Variants in XPNPEP3 observed in about 807,000 individuals in gnomAD.
XPNPEP3 encodes the protein xaa-Pro aminopeptidase 3.
A neutral mutation model predicts 60.0 loss-of-function variants in XPNPEP3; 41 were observed. That is an observed-to-expected ratio of 0.68 (90% CI 0.53 to 0.89). The LOEUF is 0.89. Ranked by LOEUF, XPNPEP3 falls within the 40% of genes least tolerant of loss-of-function variation. The pLI is 0.00. For missense variants in XPNPEP3, 598 were observed against 638.9 expected (o/e 0.94, Z 0.69); for synonymous variants, 212 against 223.2 (o/e 0.95, Z 0.45).
chr22:40,920,050 C>T (rs890145216), intron 7 of XPNPEP3, among the ~76,000 whole-genome samples: 2 of 151,910 alleles, frequency 1.3e-5, no homozygotes, highest in Non-Finnish European at 2.9e-5. Flanking sequence ...GCATTTGCCT[C>T]GGAAAGTAGG....
intron 7 of XPNPEP3, among the ~76,000 whole-genome samples, chr22:40,916,732 A>G (rs1219557860): frequency 6.6e-6 from 1 of 152,234 alleles, no homozygotes; most frequent in Non-Finnish European, 1.5e-5. Flanking sequence ...TATCAAATAT[A>G]TTACAAATGA....
At position 40,926,665 on chromosome 22, in the gene XPNPEP3, T is replaced by A. The variant is rs2058235764; in HGVS notation, c.*230T>A. On this transcript the variant is annotated 3_prime_UTR_variant, in exon 10 of 10. Transcript: ENST00000357137. ...GTATGTTACTGCAGCTTTGGTAACA[T>A]TAATTCTATAGAATTAATGATCAGA... 1.8e-6 allele frequency: 1 copy of A among 568,620 alleles called. No homozygotes were observed. The highest frequency in any genetic ancestry group is 3.0e-5 in the Admixed American group (1 of 33,414). 35.2% of individuals were successfully genotyped at this position (568,620 alleles called of 1,614,324 possible). A position where few individuals can be genotyped will look rare whatever the true frequency, so the allele number is the denominator to read the frequency against.
At chr22:40,914,346 G>T (rs758962461) in intron 7 of XPNPEP3, 22 bp downstream of exon 7, 2 of 1,585,678 alleles carry the variant, frequency 1.3e-6, no homozygotes, top group Non-Finnish European at 1.7e-6. Context: ...ACAGAGTAAC[G>T]TATCCCACTG....
chr22:40,922,721 TACACACACACAC>T (rs761542482), intron 8 of XPNPEP3, among the ~76,000 whole-genome samples: 2 of 145,280 alleles, frequency 1.4e-5, no homozygotes, highest in Non-Finnish European at 3.0e-5. Flanking sequence ...TGTAGATATA[TACACACACACAC>T]ACACACACAC....
intron 2 of XPNPEP3, among the ~76,000 whole-genome samples, chr22:40,873,098 C>CTTTTTTTTTTTTTTTTTTTTTTTTTTTTT (rs138353): frequency 1.1e-5 from 1 of 88,504 alleles, no homozygotes; most frequent in African/African-American, 4.4e-5. Context: ...TTTTCTTTTT[C>CTTTTTTTTTTTTTTTTTTTTTTTTTTTTT]TTTTTTTTTT....
At position 40,924,462 on chromosome 22, in the gene XPNPEP3, T is replaced by C; in HGVS notation, c.1337T>C (p.Met446Thr). ...MPRSLPLQPG[M>T]VITIEPGIYI... ...CGTTCCCTCCCTCTGCAGCCTGGGATGGTAATCACAATTGAGCCCGGTAAG... is the reference window on the plus strand; with the variant it reads ...CGTTCCCTCCCTCTGCAGCCTGGGACGGTAATCACAATTGAGCCCGGTAAG... Residue 446 changes from methionine (M) to threonine (T), a missense_variant, in exon 9 of 10, where the codon ATG (methionine) becomes ACG (threonine). Physicochemically the swap from Met to Thr is moderately conservative, Grantham distance 81 (BLOSUM62 -1). Transcript: ENST00000357137. 6.2e-7 allele frequency: 1 copy of C among 1,614,180 alleles called. No homozygotes were observed. Among genetic ancestry groups the C allele is most frequent in the Non-Finnish European group, 8.5e-7 (1 of 1,180,038 alleles).
At chr22:40,873,513 T>G (rs765560583) in intron 2 of XPNPEP3, among the ~76,000 whole-genome samples, 2 of 152,128 alleles carry the variant, frequency 1.3e-5, no homozygotes, top group African/African-American at 2.4e-5. Context: ...CCGTTTCATC[T>G]CTATCGTCAA....
chr22:40,857,208 G>A lies in XPNPEP3; in HGVS notation c.27G>A (p.Lys9=), dbSNP rs1161445020. The stretch of plus-strand genomic sequence containing the variant: ...TGCCTTGGCTGCTCTCAGCCCCCAA[G>A]CTGGTTCCCGCTGTAGCAAACGTCC... MPWLLSAP[K]LVPAVANVRG... is the part of the protein sequence containing the mutation. The change falls in exon 1 of 10, where the codon AAG becomes AAA. Residue 9 remains lysine (K), a synonymous_variant. Transcript: ENST00000357137. 2 of 1,614,240 alleles carry A rather than the reference G, an allele frequency of 1.2e-6. No homozygotes were observed. Among genetic ancestry groups the A allele is most frequent in the Non-Finnish European group, 1.7e-6 (2 of 1,180,042 alleles).
Position 40,915,551 on chromosome 22 carries a change from G to GAAA in XPNPEP3, c.1055+1239_1055+1241dup, listed in dbSNP as rs552550340. Among the ~76,000 whole-genome samples, 288 of 127,600 alleles carry GAAA rather than the reference G, an allele frequency of 2.3e-3. 1 individual carries two copies. Among genetic ancestry groups the GAAA allele is most frequent in the African/African-American group, 8.2e-3 (282 of 34,576 alleles). 83.7% of individuals were successfully genotyped at this position (127,600 alleles called of 152,430 possible). On this transcript the variant is annotated intron_variant, in intron 7 of 9. Coordinates refer to ENST00000357137, the MANE Select transcript of XPNPEP3 (RefSeq NM_022098.4). ...TGGGTGACAGAGTGAGACTCTATCT[G>GAAA]AAAAAAAAAAAAAAGAAAAACTATA...
chr22:40,862,284 T>C, intron 1 of XPNPEP3: 1 of 1,094,814 alleles, frequency 9.1e-7, no homozygotes, highest in African/African-American at 1.7e-5. Context: ...TCCTGAATCC[T>C]CTGGACTGTT....
At chr22:40,862,272 C>G (rs1366989687) in intron 1 of XPNPEP3, 3 of 1,129,342 alleles carry the variant, frequency 2.7e-6, no homozygotes, top group Non-Finnish European at 3.3e-6. Context: ...CGTACCAGAC[C>G]ATCCTGAATC....
At chr22:40,891,498 C>CAAAAAAAA (rs1283013431) in intron 4 of XPNPEP3, among the ~76,000 whole-genome samples, 12 of 149,136 alleles carry the variant, frequency 8.0e-5, no homozygotes, top group Non-Finnish European at 6.0e-5. Context: ...ACTAAAAATA[C>CAAAAAAAA]AAAAATTAGC....
At chr22:40,903,638 C>T (rs901863873) in intron 4 of XPNPEP3, among the ~76,000 whole-genome samples, 6 of 151,766 alleles carry the variant, frequency 4.0e-5, no homozygotes, top group East Asian at 1.9e-4. Context: ...TACAGGTGCC[C>T]GCCACCATGC....
At chr22:40,862,083 T>G (rs935206759) in intron 1 of XPNPEP3, 26 of 1,518,912 alleles carry the variant, frequency 1.7e-5, no homozygotes, top group Non-Finnish European at 2.2e-5. Context: ...GTGATAGAGG[T>G]AGTGACTGCA....
intron 4 of XPNPEP3, among the ~76,000 whole-genome samples, chr22:40,902,886 C>G (rs906692402): frequency 6.6e-6 from 1 of 152,140 alleles, no homozygotes; most frequent in African/African-American, 2.4e-5. Context: ...GTTTTTCTCC[C>G]TACGTAAGGG....
chr22:40,897,027 A>ATT (rs2058110940), intron 4 of XPNPEP3, among the ~76,000 whole-genome samples: 1 of 121,714 alleles, frequency 8.2e-6, no homozygotes, highest in Non-Finnish European at 1.8e-5. Context: ...TGTTTCCTTC[A>ATT]TCTTTTTTTT....
chr22:40,891,728 A>G (rs1016416806), intron 4 of XPNPEP3, among the ~76,000 whole-genome samples: 1 of 152,096 alleles, frequency 6.6e-6, no homozygotes, highest in Non-Finnish European at 1.5e-5. Context: ...GAACTCATTT[A>G]TCTACCACAG....
In XPNPEP3 at chr22:40,932,189, G is replaced by A. The variant is rs1442669732; in HGVS notation, c.*5754G>A. The A allele has an allele frequency of 2.6e-5, 4 of 152,140 alleles. No individual in the cohort carries two copies. Among genetic ancestry groups the A allele is most frequent in the African/African-American group, 7.2e-5 (3 of 41,440 alleles). The allele number at this position is 152,140 out of a possible 1,614,324, so 9.4% of individuals were successfully genotyped here. On this transcript the variant is annotated 3_prime_UTR_variant, in exon 10 of 10. Transcript: ENST00000357137. ...AACTTCTGCCAATAAAACAGAATTT[G>A]AGTTAGAACCTATCTGCTGTCCCTC... is the stretch of plus-strand genomic sequence containing the variant.
intron 7 of XPNPEP3, among the ~76,000 whole-genome samples, chr22:40,921,079 A>C (rs2143610): frequency 0.39 from 58,929 of 151,838 alleles, 13,270 homozygotes; most frequent in East Asian, 0.74. Flanking sequence ...GGCGTGAGCC[A>C]CCGCGCCCAG....
Sources: allele counts gnomAD v4.1 joint callset (sites outside exome capture counted in the v4.1 genomes callset), GRCh38; gene constraint gnomAD v4.1.1; transcripts MANE v1.5; gene names NCBI Gene and HGNC (gene_info 2026-07-23, HGNC 2026-07-21).